COL23A1: variants seen among roughly 807,000 people sequenced by gnomAD.
The protein encoded by COL23A1 is collagen type XXIII alpha 1 chain.
COL23A1 carries 97 observed loss-of-function variants against 99.3 expected under a neutral mutation model. The observed-to-expected ratio is 0.98, with a 90% confidence interval of 0.83 to 1.16. COL23A1 has a LOEUF of 1.16. Among genes scored for constraint, COL23A1 ranks in the 50% most tolerant of loss-of-function variants. The probability of loss-of-function intolerance (pLI) is 0.00; values close to 1 mark genes in which losing one functional copy is unlikely to be tolerated. For synonymous variants in COL23A1, 320 were observed against 308.2 expected, an observed-to-expected ratio of 1.04 and a Z score of -0.40; for missense variants, 762 against 757.4, an observed-to-expected ratio of 1.01 and a Z score of -0.07.
intron 2 of COL23A1, among the ~76,000 whole-genome samples, chr5:178,358,495 A>G (rs111217487): frequency 3.1e-4 from 32 of 104,460 alleles, no homozygotes; most frequent in Non-Finnish European, 4.5e-4. Flanking sequence ...ATGTGTGTGT[A>G]TGCGTGTATA....
intron 2 of COL23A1, among the ~76,000 whole-genome samples, chr5:178,432,324 T>C (rs1259651037): frequency 6.6e-6 from 1 of 152,076 alleles, no homozygotes; most frequent in Non-Finnish European, 1.5e-5. Flanking sequence ...GTTGGAGGAA[T>C]TGAAAAGCCA....
In COL23A1 at chr5:178,278,024, C is replaced by T. The variant is rs573532878; in HGVS notation, c.442-7661G>A. Among the ~76,000 whole-genome samples, 5 of 152,330 alleles carry T rather than the reference C, an allele frequency of 3.3e-5. No homozygotes were observed. The South Asian group carries it at 1.0e-3, about 32-fold the overall frequency. On this transcript the variant is annotated intron_variant, in intron 5 of 28. Transcript: ENST00000390654. Reference sequence around the variant, plus strand: ...GTGGAAGGAAGTCTGGGGGAACACACCATCAGCTCATTTTGGTGCCAGCCG... The same window carrying T: ...GTGGAAGGAAGTCTGGGGGAACACATCATCAGCTCATTTTGGTGCCAGCCG...
chr5:178,487,188 TG>T (rs1490124258), intron 2 of COL23A1, among the ~76,000 whole-genome samples: 5 of 152,162 alleles, frequency 3.3e-5, no homozygotes, highest in Non-Finnish European at 7.3e-5. Flanking sequence ...GGCTCCAGGC[TG>T]GGGCCAGGTC....
intron 2 of COL23A1, among the ~76,000 whole-genome samples, chr5:178,508,554 G>A (rs1759011137): frequency 6.6e-6 from 1 of 152,134 alleles, no homozygotes; most frequent in Admixed American, 6.5e-5. Context: ...CTGTCACGTG[G>A]GGTGGACACC....
chr5:178,493,416 C>T lies in COL23A1; in HGVS notation c.361+67266G>A, dbSNP rs528551684. Among the ~76,000 whole-genome samples the T allele has an allele frequency of 7.8e-4, 119 of 152,350 alleles. 5 individuals carry two copies. In the South Asian group the frequency reaches 0.023, roughly 30 times the overall value. Reference sequence around the variant, plus strand: ...AGGAAACAGGTAGGGTCAAGGGTGCCGCTGGCAAGTAGGACCTACCCTATG... The same window carrying T: ...AGGAAACAGGTAGGGTCAAGGGTGCTGCTGGCAAGTAGGACCTACCCTATG... On this transcript the variant is annotated intron_variant, in intron 2 of 28. Transcript: ENST00000390654.
chr5:178,416,216 G>C (rs1175369014), intron 2 of COL23A1, among the ~76,000 whole-genome samples: 2 of 152,078 alleles, frequency 1.3e-5, no homozygotes, highest in Non-Finnish European at 2.9e-5. Context: ...TACATAATGT[G>C]TAAAACATGA....
intron 2 of COL23A1, among the ~76,000 whole-genome samples, chr5:178,530,079 T>A (rs1562058781): frequency 6.6e-6 from 1 of 152,134 alleles, no homozygotes. Context: ...AAAATCAGCG[T>A]GAAGGAATAG....
In COL23A1 at chr5:178,308,099, C is replaced by G. The variant is rs911441731; in HGVS notation, c.362-1180G>C. 6.6e-6 allele frequency among the ~76,000 whole-genome samples: 1 copy of G among 151,522 alleles called. No homozygotes were observed. The highest frequency in any genetic ancestry group is 6.6e-5 in the Admixed American group (1 of 15,200). On this transcript the variant is annotated intron_variant, in intron 2 of 28. Transcript: ENST00000390654. The surrounding 1 kb of genome is among the most constrained non-coding windows in gnomAD (Gnocchi z 5.1). The stretch of plus-strand genomic sequence containing the variant: ...TGTCTGTGTTTTTGTGTCTGTGTTT[C>G]TGTGTGTGTGTCTGTGTATGTATGT...
At chr5:178,571,932 G>A (rs1347543820) in intron 1 of COL23A1, among the ~76,000 whole-genome samples, 1 of 152,106 alleles carries the variant, frequency 6.6e-6, no homozygotes, top group African/African-American at 2.4e-5. Context: ...GCTGGGTGTG[G>A]TGGCGGGCGC....
intron 2 of COL23A1, among the ~76,000 whole-genome samples, chr5:178,408,693 G>A (rs1764884643): frequency 6.6e-6 from 1 of 151,966 alleles, no homozygotes; most frequent in African/African-American, 2.4e-5. Context: ...GGTGGCTCAC[G>A]ACTGTAATCC....
chr5:178,481,492 T>A (rs1311524639), intron 2 of COL23A1, among the ~76,000 whole-genome samples: 1 of 152,032 alleles, frequency 6.6e-6, no homozygotes, highest in African/African-American at 2.4e-5. Flanking sequence ...CCAGAACATA[T>A]AAAGAACTCT....
At chr5:178,347,903 AAAAAC>A (rs1441920428) in intron 2 of COL23A1, among the ~76,000 whole-genome samples, 1 of 149,170 alleles carries the variant, frequency 6.7e-6, no homozygotes, top group Non-Finnish European at 1.5e-5. Flanking sequence ...AAAAACCCAA[AAAAAC>A]AAAACAAAAA....
chr5:178,567,022 AAAG>A (rs1455193993), intron 1 of COL23A1, among the ~76,000 whole-genome samples: 2 of 152,200 alleles, frequency 1.3e-5, no homozygotes, highest in African/African-American at 4.8e-5. Context: ...ACTGTCCAAG[AAAG>A]AAGTTACAAA....
intron 2 of COL23A1, among the ~76,000 whole-genome samples, chr5:178,333,509 T>C (rs1760153151): frequency 6.6e-6 from 1 of 152,140 alleles, no homozygotes; most frequent in African/African-American, 2.4e-5. Flanking sequence ...CCCTTTCATG[T>C]CCTCACTCCT....
At chr5:178,364,646 G>A (rs1762364970) in intron 2 of COL23A1, among the ~76,000 whole-genome samples, 1 of 152,162 alleles carries the variant, frequency 6.6e-6, no homozygotes, top group Non-Finnish European at 1.5e-5. Flanking sequence ...AGGCGCCTGG[G>A]AACTCACCCG....
intron 18 of COL23A1, 54 bp from the exon 19 acceptor site, chr5:178,249,260 TC>T: frequency 3.2e-6 from 5 of 1,551,964 alleles, no homozygotes; most frequent in South Asian, 1.1e-5. Flanking sequence ...CCCTCCCTTC[TC>T]CCCCCAGCAG....
At position 178,401,491 on chromosome 5, in the gene COL23A1, C is replaced by T. The variant is rs75225779; in HGVS notation, c.362-94572G>A. ...CACCCATGTGGTGTGTGTCAATAGT[C>T]TGTTCCTGTTTATTGCTGCATAGTA... On this transcript the variant is annotated intron_variant, in intron 2 of 28. Coordinates refer to ENST00000390654, the MANE Select transcript of COL23A1 (RefSeq NM_173465.4). Among the ~76,000 whole-genome samples, 1,369 of 151,768 alleles carry T rather than the reference C, an allele frequency of 9.0e-3. 23 individuals carry two copies. Among genetic ancestry groups the T allele is most frequent in the African/African-American group, 0.032 (1,309 of 41,028 alleles).
At chr5:178,469,418 G>A (rs1440678348) in intron 2 of COL23A1, among the ~76,000 whole-genome samples, 1 of 152,128 alleles carries the variant, frequency 6.6e-6, no homozygotes, top group Non-Finnish European at 1.5e-5. Context: ...CTGAGATACT[G>A]TTGTTCTAAG....
intron 2 of COL23A1, among the ~76,000 whole-genome samples, chr5:178,503,657 G>A (rs1758702319): frequency 6.6e-6 from 1 of 152,206 alleles, no homozygotes; most frequent in Non-Finnish European, 1.5e-5. Flanking sequence ...TGCGAAAAGG[G>A]AGGGAGGGAG....
Sources: allele counts gnomAD v4.1 joint callset (sites outside exome capture counted in the v4.1 genomes callset), GRCh38; gene constraint gnomAD v4.1.1; non-coding constraint Gnocchi (gnomAD v3.1); transcripts MANE v1.5; gene names NCBI Gene and HGNC (gene_info 2026-07-23, HGNC 2026-07-21).